LZTR1: variants seen among roughly 807,000 people sequenced by gnomAD.
LZTR1 encodes leucine-zipper-like transcriptional regulator 1.
LZTR1 carries 260 observed loss-of-function variants against 105.7 expected under a neutral mutation model. That is an observed-to-expected ratio of 2.46 (90% CI 2.22 to 2.72). The LOEUF is 2.72. Ranked by LOEUF, LZTR1 falls within the 30% of genes most tolerant of loss-of-function variation. The pLI is 0.00. For synonymous variants in LZTR1, 490 were observed against 476.4 expected, an observed-to-expected ratio of 1.03 and a Z score of -0.37; for missense variants, 1,214 against 1,166.9, an observed-to-expected ratio of 1.04 and a Z score of -0.59.
rs374120358 is a variant in LZTR1, at chr22:20,995,927, G to A, written c.2070-36G>A. ...TGGGCCTGGATGGTGTCTTCGTTCT[G>A]CTGACGGCCAGGTGCCTACCGCTCG... On this transcript the variant is annotated intron_variant, in intron 17 of 20. Transcript: ENST00000646124. 3.3e-5 allele frequency: 53 copies of A among 1,613,178 alleles called. No individual in the cohort carries two copies. The Admixed American group carries it at 8.5e-4, about 26-fold the overall frequency.
In LZTR1 at chr22:20,991,777, A is replaced by G. The variant is rs1187187385; in HGVS notation, c.941A>G (p.Tyr314Cys). ...DNTLPNELHC[Y>C]DVDFQTWEVV... ...ACGCTGCCCAACGAGCTGCACTGCT[A>G]TGACGTGGACTTCCAGACCTGGGAG... The change falls in exon 9 of 21, where the codon TAT (tyrosine) becomes TGT (cysteine). Residue 314 changes from tyrosine to cysteine, a missense_variant. Physicochemically the swap from Tyr to Cys is radical, Grantham distance 194. Coordinates refer to ENST00000646124, the MANE Select transcript of LZTR1 (RefSeq NM_006767.4). The G allele has an allele frequency of 2.6e-6, 4 of 1,554,704 alleles. No individual in the cohort carries two copies. The highest frequency in any genetic ancestry group is 2.6e-6 in the Non-Finnish European group (3 of 1,148,964).
At chr22:20,983,390 C>T (rs754123518) in intron 2 of LZTR1, among the ~76,000 whole-genome samples, 1 of 152,214 alleles carries the variant, frequency 6.6e-6, no homozygotes, top group Non-Finnish European at 1.5e-5. Flanking sequence ...TGCGGCCAGC[C>T]CTGCCAGGCA....
At position 20,995,039 on chromosome 22, in the gene LZTR1, G is replaced by A. The variant is rs375587133; in HGVS notation, c.1942+13G>A. The A allele has an allele frequency of 2.5e-6, 4 of 1,598,750 alleles. No homozygotes were observed. The highest frequency in any genetic ancestry group is 2.2e-5 in the East Asian group (1 of 44,684). ...CCAGTGGACATTGGTAGGGAGCCCC[G>A]TTCCCCTTCCCTGGGGGCTGGGAGG... On this transcript the variant is annotated intron_variant, in intron 16 of 20. Transcript: ENST00000646124.
In LZTR1 at chr22:20,992,695, T is replaced by C; in HGVS notation, c.1150-99T>C. On this transcript the variant is annotated intron_variant, in intron 10 of 20. Coordinates refer to ENST00000646124, the MANE Select transcript of LZTR1 (RefSeq NM_006767.4). Reference sequence around the variant, plus strand: ...GGGGACCCTGCCCCCTGGCCCTTCATGGCCATGAGGTGCCGCATCCTTGCC... The same window carrying C: ...GGGGACCCTGCCCCCTGGCCCTTCACGGCCATGAGGTGCCGCATCCTTGCC... The C allele has an allele frequency of 5.0e-6, 4 of 800,430 alleles. No homozygotes were observed. In the South Asian group the frequency reaches 6.3e-5, roughly 13 times the overall value. 49.6% of individuals were successfully genotyped at this position (800,430 alleles called of 1,614,324 possible).
intron 11 of LZTR1, 163 bp from the exon 12 acceptor site, chr22:20,993,499 A>G: frequency 1.6e-6 from 1 of 611,108 alleles, no homozygotes; most frequent in East Asian, 2.8e-5. Flanking sequence ...CTGTATTTTC[A>G]GGGTGGGGTA....
Position 20,997,431 on chromosome 22 carries a change from C to G in LZTR1, c.*83C>G. ...GAGAAGACTACCGGCTATGCGCATG[C>G]CTATGGCAGTGGGTGCACCTGCCAG... On this transcript the variant is annotated 3_prime_UTR_variant, in exon 21 of 21. Coordinates refer to ENST00000646124, the MANE Select transcript of LZTR1 (RefSeq NM_006767.4). The G allele has an allele frequency of 9.5e-7, 1 of 1,053,016 alleles. No homozygotes were observed. Among genetic ancestry groups the G allele is most frequent in the Non-Finnish European group, 1.5e-6 (1 of 681,710 alleles). The allele number at this position is 1,053,016 out of a possible 1,614,324, so 65.2% of individuals were successfully genotyped here.
chr22:20,995,896 G>A, intron 17 of LZTR1, 24 bp downstream of exon 17: 1 of 1,612,946 alleles, frequency 6.2e-7, no homozygotes, highest in South Asian at 1.1e-5. Flanking sequence ...GGACAGGAGG[G>A]GAGGGTGGGC....
Position 20,988,671 on chromosome 22 carries a change from T to C in LZTR1, c.510-118T>C. On this transcript the variant is annotated intron_variant, in intron 5 of 20. Transcript: ENST00000646124. Reference sequence around the variant, plus strand: ...CCTTGTGGAGGTCCTGAAGCCCCAGTGTCGGGTGGATGTAGCCATGCAGCC... The same window carrying C: ...CCTTGTGGAGGTCCTGAAGCCCCAGCGTCGGGTGGATGTAGCCATGCAGCC... 3 of 717,594 alleles carry C rather than the reference T, an allele frequency of 4.2e-6. No homozygotes were observed. The South Asian group carries it at 4.6e-5, about 11-fold the overall frequency. 44.5% of individuals were successfully genotyped at this position (717,594 alleles called of 1,614,324 possible). A position where few individuals can be genotyped will look rare whatever the true frequency, so the allele number is the denominator to read the frequency against.
Position 20,998,621 on chromosome 22 carries a change from G to C in LZTR1, c.*1273G>C, listed in dbSNP as rs1035622911. On this transcript the variant is annotated 3_prime_UTR_variant, in exon 21 of 21. Coordinates refer to ENST00000646124, the MANE Select transcript of LZTR1 (RefSeq NM_006767.4). ...ACAGGAGATCCATAGGCAGCCTGCA[G>C]GCTAGGAAGTGGCCTAGTGCAAGAT... 1 of 152,812 alleles carries C rather than the reference G, an allele frequency of 6.5e-6. No homozygotes were observed. Among genetic ancestry groups the C allele is most frequent in the African/African-American group, 2.4e-5 (1 of 41,470 alleles). The allele number at this position is 152,812 out of a possible 1,614,324, so 9.5% of individuals were successfully genotyped here. A position where few individuals can be genotyped will look rare whatever the true frequency, so the allele number is the denominator to read the frequency against.
At chr22:20,982,690 A>G (rs1186289559) in intron 1 of LZTR1, 119 bp downstream of exon 1, 5 of 992,892 alleles carry the variant, frequency 5.0e-6, no homozygotes, top group Non-Finnish European at 7.6e-6. Context: ...AATGAGGTGG[A>G]TGGTGCTGTA....
intron 5 of LZTR1, 47 bp from the exon 6 acceptor site, chr22:20,988,742 T>A (rs756196053): frequency 6.9e-7 from 1 of 1,452,486 alleles, no homozygotes; most frequent in Non-Finnish European, 9.7e-7. Flanking sequence ...GTGGCTCAGG[T>A]CTGTGCTGGG....
chr22:20,994,482 C>A, intron 14 of LZTR1, 76 bp from the exon 15 acceptor site: 1 of 1,498,584 alleles, frequency 6.7e-7, no homozygotes, highest in Non-Finnish European at 9.1e-7. Flanking sequence ...CACACTCTTC[C>A]ATGGGGGGAG....
rs1014327605 is a variant in LZTR1, at chr22:20,991,793, G to T, written c.957G>T (p.Gln319His). The change falls in exon 9 of 21, where the codon CAG becomes CAT. Residue 319 changes from glutamine to histidine, a missense_variant. Physicochemically the swap from Gln to His is conservative, Grantham distance 24 (BLOSUM62 0). Transcript: ENST00000646124. ...TGCACTGCTATGACGTGGACTTCCA[G>T]ACCTGGGAGGTCGTCCAGCCCAGCT... ...NELHCYDVDFQTWEVVQPSSD... is the reference protein window; with the variant it reads ...NELHCYDVDFHTWEVVQPSSD... The T allele has an allele frequency of 6.4e-7, 1 of 1,552,172 alleles. No individual in the cohort carries two copies. Among genetic ancestry groups the T allele is most frequent in the Admixed American group, 2.0e-5 (1 of 51,092 alleles).
At chr22:20,986,651 GGATA>G (rs1168988290) in intron 3 of LZTR1, 4 of 151,788 alleles carry the variant, frequency 2.6e-5, no homozygotes, top group Non-Finnish European at 5.9e-5. Context: ...GATAGATGAT[GGATA>G]GATTATATAG....
Position 20,987,535 on chromosome 22 carries a change from C to T in LZTR1, c.352C>T (p.Arg118Cys), listed in dbSNP as rs749587390. The T allele has an allele frequency of 4.3e-6, 7 of 1,614,166 alleles. No homozygotes were observed. The highest frequency in any genetic ancestry group is 1.7e-5 in the Admixed American group (1 of 60,034). The change falls in exon 4 of 21, where the codon CGT becomes TGT. Residue 118 changes from arginine to cysteine, a missense_variant. Transcript: ENST00000646124. The stretch of plus-strand genomic sequence containing the variant: ...TACCACTGGGACCCCACCGGCCCCC[C>T]GTTACCACCACTCGGCCGTCGTCTA... ...AFTTGTPPAP[R>C]YHHSAVVYGS...
At chr22:20,988,906 C>T (rs199653771) in intron 6 of LZTR1, 34 bp downstream of exon 6, 32 of 1,580,054 alleles carry the variant, frequency 2.0e-5, no homozygotes, top group Middle Eastern at 1.7e-4. Context: ...ACCCCACCTC[C>T]GACAGCACTG....
At chr22:20,990,241 G>A (rs1431219586) in intron 7 of LZTR1, 145 bp from the exon 8 acceptor site, 5 of 917,764 alleles carry the variant, frequency 5.4e-6, no homozygotes, top group African/African-American at 3.2e-5. Flanking sequence ...ACAGGGCTAT[G>A]AGCTGTTCCA....
Position 20,988,012 on chromosome 22 carries a change from G to A in LZTR1, c.403G>A (p.Gly135Ser), listed in dbSNP as rs771188787. ...AGTTTCTCACTCTCTTTACTCAGGG[G>A]GTTACACTGGGGACATTTATTCCAA... ...VYGSSMFVFG[G>S]YTGDIYSNSN... Residue 135 changes from glycine (G) to serine (S), a missense_variant and splice_region_variant, in exon 5 of 21, where the codon GGT becomes AGT. Gly to Ser is a moderately conservative substitution (Grantham distance 56, BLOSUM62 0). Transcript: ENST00000646124. 1 of 1,581,876 alleles carries A rather than the reference G, an allele frequency of 6.3e-7. No individual in the cohort carries two copies. The highest frequency in any genetic ancestry group is 8.7e-7 in the Non-Finnish European group (1 of 1,151,042).
chr22:20,996,806 C>A lies in LZTR1; in HGVS notation c.2325+5C>A, dbSNP rs1197763629. 2 of 1,613,060 alleles carry A rather than the reference C, an allele frequency of 1.2e-6. No homozygotes were observed. The highest frequency in any genetic ancestry group is 1.7e-6 in the Non-Finnish European group (2 of 1,179,534). On this transcript the variant is annotated splice_donor_5th_base_variant and intron_variant, in intron 19 of 20. Coordinates refer to ENST00000646124, the MANE Select transcript of LZTR1 (RefSeq NM_006767.4). ...ACGGTGCAGAACGTGCTGCAGGTAGCCCCCCAGCCCCGTGCACATGGCTGC... is the reference window on the plus strand; with the variant it reads ...ACGGTGCAGAACGTGCTGCAGGTAGACCCCCAGCCCCGTGCACATGGCTGC...
Sources: gnomAD v4.1 joint callset for allele counts (sites outside exome capture counted in the v4.1 genomes callset) on GRCh38, gnomAD v4.1.1 for gene constraint, MANE v1.5 for transcripts, NCBI Gene and HGNC (gene_info 2026-07-23, HGNC 2026-07-21) for gene names.